Variants in SASH1 observed in about 807,000 individuals in gnomAD.
SASH1 encodes SAM and SH3 domain-containing protein 1.
SASH1 carries 44 observed loss-of-function variants against 125.2 expected under a neutral mutation model. That is an observed-to-expected ratio of 0.35 (90% CI 0.28 to 0.45). SASH1 has a LOEUF of 0.45. Ranked by LOEUF, SASH1 falls within the 20% of genes least tolerant of loss-of-function variation. The pLI, the probability that SASH1 is intolerant of heterozygous loss-of-function variation, is 1.00. For missense variants in SASH1, 1,426 were observed against 1,614.5 expected, an observed-to-expected ratio of 0.88 and a Z score of 2.00; for synonymous variants, 639 against 649.1, an observed-to-expected ratio of 0.98 and a Z score of 0.24.
rs139463472 is a variant in SASH1, at chr6:148,532,712, T to G, written c.1565-85T>G. The G allele has an allele frequency of 6.7e-7, 1 of 1,494,396 alleles. No individual in the cohort carries two copies. Among genetic ancestry groups the G allele is most frequent in the Non-Finnish European group, 9.2e-7 (1 of 1,092,276 alleles). The allele number at this position is 1,494,396 out of a possible 1,614,324, so 92.6% of individuals were successfully genotyped here. ...TTCCTTTCTCTGGGCCTTCATTTCC[T>G]AATCTGCCATACCTTCAATACCTTT... is the stretch of plus-strand genomic sequence containing the variant. On this transcript the variant is annotated intron_variant, in intron 13 of 19. Coordinates refer to ENST00000367467, the MANE Select transcript of SASH1 (RefSeq NM_015278.5). This position sits in a 1 kb window ranked among gnomAD's most constrained non-coding sequence, Gnocchi z 4.7.
intron 4 of SASH1, among the ~76,000 whole-genome samples, chr6:148,449,081 T>TTTCTTTTTC (rs59357893): frequency 0.19 from 25,244 of 134,310 alleles, 3,626 homozygotes; most frequent in South Asian, 0.28. Context: ...TTCATTTCTT[T>TTTCTTTTTC]TTTTTTTTTT....
chr6:148,333,559 G>A (rs978913644), intron 1 of SASH1, among the ~76,000 whole-genome samples: 3 of 151,704 alleles, frequency 2.0e-5, no homozygotes, highest in Non-Finnish European at 4.4e-5. Context: ...ATAAAATATC[G>A]TTGTCGCTGT....
At chr6:148,387,079 G>C (rs9498025) in intron 1 of SASH1, among the ~76,000 whole-genome samples, 41 of 123,414 alleles carry the variant, frequency 3.3e-4, no homozygotes, top group African/African-American at 1.4e-3. Flanking sequence ...TTCTCCCTCT[G>C]TCTCTCTCTC....
intron 2 of SASH1, among the ~76,000 whole-genome samples, chr6:148,401,855 G>A (rs559638564): frequency 1.3e-5 from 2 of 152,188 alleles, no homozygotes; most frequent in East Asian, 1.9e-4. Flanking sequence ...GATGCCAAAA[G>A]GAAGACAGAT....
At chr6:148,349,996 C>T (rs1219976390) in intron 1 of SASH1, among the ~76,000 whole-genome samples, 6 of 152,154 alleles carry the variant, frequency 3.9e-5, no homozygotes, top group African/African-American at 1.4e-4. Context: ...CAGGCGCCTG[C>T]CACCACGCCC....
At chr6:148,365,894 C>T in intron 1 of SASH1, among the ~76,000 whole-genome samples, 1 of 152,098 alleles carries the variant, frequency 6.6e-6, no homozygotes, top group Non-Finnish European at 1.5e-5. Flanking sequence ...AGGCAGATCA[C>T]CTGAGGTCAG....
chr6:148,545,158 T>C (rs561494994), intron 18 of SASH1, among the ~76,000 whole-genome samples: 1 of 152,290 alleles, frequency 6.6e-6, no homozygotes, highest in South Asian at 2.1e-4. Context: ...GGGAAAAAGA[T>C]AATATAAAAT....
chr6:148,203,559 T>TC, the SASH1 span, among the ~76,000 whole-genome samples: 1 of 152,222 alleles, frequency 6.6e-6, no homozygotes, highest in African/African-American at 2.4e-5. Flanking sequence ...GGGCTGGATT[T>TC]CTCCCAGGAG....
the SASH1 span, among the ~76,000 whole-genome samples, chr6:148,206,015 A>G: frequency 2.6e-5 from 4 of 152,188 alleles, no homozygotes; most frequent in East Asian, 7.7e-4. Context: ...TTTTGCCTTC[A>G]AGAACCCCTT....
At chr6:148,491,548 G>T (rs1034260787) in intron 8 of SASH1, among the ~76,000 whole-genome samples, 1 of 152,194 alleles carries the variant, frequency 6.6e-6, no homozygotes, top group East Asian at 1.9e-4. Context: ...GGGATTACAG[G>T]CGTGAGCCAC....
chr6:148,343,866 C>G (rs542917547), intron 1 of SASH1, among the ~76,000 whole-genome samples: 2 of 152,290 alleles, frequency 1.3e-5, no homozygotes, highest in African/African-American at 4.8e-5. Context: ...TTAACCTGCT[C>G]AGGGTTGAAT....
chr6:148,507,694 C>T (rs772616009), intron 8 of SASH1, among the ~76,000 whole-genome samples: 3 of 152,144 alleles, frequency 2.0e-5, no homozygotes, highest in African/African-American at 4.8e-5. Flanking sequence ...TCCTGTCCAA[C>T]TCTAAACTTC....
At chr6:148,274,219 C>A (rs1170648899) in intron 1 of SASH1, among the ~76,000 whole-genome samples, 2 of 152,196 alleles carry the variant, frequency 1.3e-5, no homozygotes, top group Non-Finnish European at 2.9e-5. Context: ...AGTGAACAGA[C>A]ATGGCTGGCA....
At chr6:148,203,495 G>A in the SASH1 span, among the ~76,000 whole-genome samples, 1 of 152,120 alleles carries the variant, frequency 6.6e-6, no homozygotes. Context: ...TAATAACCTT[G>A]GCAGGTAATT....
chr6:148,517,216 A>T (rs1319052043), intron 9 of SASH1, among the ~76,000 whole-genome samples: 1 of 152,180 alleles, frequency 6.6e-6, no homozygotes, highest in Non-Finnish European at 1.5e-5. Context: ...ATTATTACAG[A>T]TGAGGAAACA....
intron 2 of SASH1, among the ~76,000 whole-genome samples, chr6:148,435,233 C>G (rs553339557): frequency 1.3e-5 from 2 of 152,026 alleles, no homozygotes; most frequent in East Asian, 3.9e-4. Flanking sequence ...CAAAAATTAT[C>G]TGGGCGTGGT....
chr6:148,377,893 A>G lies in SASH1; in HGVS notation c.157-12241A>G, dbSNP rs578089639. On this transcript the variant is annotated intron_variant, in intron 1 of 19. Coordinates refer to ENST00000367467, the MANE Select transcript of SASH1 (RefSeq NM_015278.5). Reference sequence around the variant, plus strand: ...CAAGTATTTTATTTAATCCTATTACAGCCTGTGGGGTAGCTTTGTAATTAC... The same window carrying G: ...CAAGTATTTTATTTAATCCTATTACGGCCTGTGGGGTAGCTTTGTAATTAC... Among the ~76,000 whole-genome samples, 4 of 152,288 alleles carry G rather than the reference A, an allele frequency of 2.6e-5. No individual in the cohort carries two copies. The East Asian group carries it at 5.8e-4, about 22-fold the overall frequency.
intron 4 of SASH1, among the ~76,000 whole-genome samples, chr6:148,455,466 G>A (rs1039861891): frequency 2.6e-5 from 4 of 152,156 alleles, no homozygotes; most frequent in Non-Finnish European, 4.4e-5. Context: ...GCAGGTGCTG[G>A]TGCGCTCACA....
intron 1 of SASH1, among the ~76,000 whole-genome samples, chr6:148,295,273 A>G (rs1455174039): frequency 6.6e-6 from 1 of 152,168 alleles, no homozygotes; most frequent in Non-Finnish European, 1.5e-5. Context: ...GGGCAGGCTC[A>G]TTACAGAGGC....
Sources: gnomAD v4.1 joint callset for allele counts (sites outside exome capture counted in the v4.1 genomes callset) on GRCh38, gnomAD v4.1.1 for gene constraint, Gnocchi (gnomAD v3.1) non-coding constraint, MANE v1.5 for transcripts, NCBI Gene and HGNC (gene_info 2026-07-23, HGNC 2026-07-21) for gene names.